The following ZNF362 variants were observed in gnomAD, a reference collection of about 807,000 sequenced individuals.
ZNF362 encodes the protein rotund homolog.
A neutral mutation model predicts 42.9 loss-of-function variants in ZNF362; 11 were observed. That is an observed-to-expected ratio of 0.26 (90% confidence interval 0.16 to 0.42). ZNF362 has a LOEUF of 0.42. ZNF362 is among the 20% of genes least tolerant of loss of function. The probability of loss-of-function intolerance (pLI) is 1.00; values close to 1 mark genes in which losing one functional copy is unlikely to be tolerated. For synonymous variants in ZNF362, 255 were observed against 257.3 expected (o/e 0.99, Z 0.09); for missense variants, 362 against 576.2 (o/e 0.63, Z 3.81).
At chr1:33,159,247 G>A in the ZNF362 span, among the ~76,000 whole-genome samples, 1 of 151,924 alleles carries the variant, frequency 6.6e-6, no homozygotes, top group Non-Finnish European at 1.5e-5. The surrounding 1 kb of genome is among the most constrained non-coding windows in gnomAD (Gnocchi z 4.2). Context: ...ATAGTAACAC[G>A]TAATGCCAAC....
At chr1:33,198,164 T>G in the ZNF362 span, among the ~76,000 whole-genome samples, 1 of 152,074 alleles carries the variant, frequency 6.6e-6, no homozygotes, top group African/African-American at 2.4e-5. Context: ...TAGCATCCAA[T>G]AAAAAATTAC....
the ZNF362 span, among the ~76,000 whole-genome samples, chr1:33,173,283 C>A: frequency 6.6e-6 from 1 of 152,220 alleles, no homozygotes; most frequent in African/African-American, 2.4e-5. Flanking sequence ...TGGCACACTG[C>A]CCCACAGTGC....
At chr1:33,160,532 G>A in the ZNF362 span, among the ~76,000 whole-genome samples, 1 of 151,984 alleles carries the variant, frequency 6.6e-6, no homozygotes, top group African/African-American at 2.4e-5. Context: ...AGCCTCCCTA[G>A]TAGCTGGGAT....
At chr1:33,159,815 C>T in the ZNF362 span, 7 of 1,613,854 alleles carry the variant, frequency 4.3e-6, no homozygotes, top group African/African-American at 2.7e-5. The surrounding 1 kb of genome is among the most constrained non-coding windows in gnomAD (Gnocchi z 4.2). Context: ...ACTTTCTGCT[C>T]GATGTCGGTC....
the ZNF362 span, among the ~76,000 whole-genome samples, chr1:33,202,555 G>A: frequency 8.6e-4 from 128 of 148,312 alleles, no homozygotes; most frequent in Non-Finnish European, 1.4e-3. Flanking sequence ...CCGAGATTGC[G>A]CCACTGCACT....
At chr1:33,171,645 T>A in the ZNF362 span, among the ~76,000 whole-genome samples, 1 of 152,130 alleles carries the variant, frequency 6.6e-6, no homozygotes, top group Non-Finnish European at 1.5e-5. Context: ...GGAAGAAACT[T>A]GAATAGGTAA....
At chr1:33,296,950 G>A (rs1270449127) in intron 8 of ZNF362, among the ~76,000 whole-genome samples, 1 of 151,792 alleles carries the variant, frequency 6.6e-6, no homozygotes, top group Non-Finnish European at 1.5e-5. Context: ...GGCTACAGGT[G>A]TGCACCACTG....
At chr1:33,232,039 T>A in the ZNF362 span, among the ~76,000 whole-genome samples, 1 of 152,142 alleles carries the variant, frequency 6.6e-6, no homozygotes, top group Admixed American at 6.6e-5. Context: ...AGGCCTGTTT[T>A]GCTTGGGTCC....
chr1:33,201,449 A>C, the ZNF362 span, among the ~76,000 whole-genome samples: 1 of 152,258 alleles, frequency 6.6e-6, no homozygotes, highest in African/African-American at 2.4e-5. Context: ...ATATTTCCTG[A>C]CAACAATGAA....
At chr1:33,158,460 T>A in the ZNF362 span, 1 of 959,288 alleles carries the variant, frequency 1.0e-6, no homozygotes, top group Non-Finnish European at 1.7e-6. Context: ...GCAGCTGGCA[T>A]AGGATGTGGT....
the ZNF362 span, among the ~76,000 whole-genome samples, chr1:33,189,722 T>TATATATATATATATATATAC: frequency 5.6e-4 from 58 of 102,934 alleles, 1 homozygote; most frequent in African/African-American, 1.7e-3. Flanking sequence ...TATATATACA[T>TATATATATATATATATATAC]ACACACATAC....
chr1:33,230,623 C>T, the ZNF362 span, among the ~76,000 whole-genome samples: 1 of 152,260 alleles, frequency 6.6e-6, no homozygotes. Flanking sequence ...ATAACCTGAT[C>T]TGTGCATACC....
rs953809232 is a variant in ZNF362, at chr1:33,270,555, C to G, written c.-20C>G. 7 of 1,546,960 alleles carry G rather than the reference C, an allele frequency of 4.5e-6. No homozygotes were observed. Among genetic ancestry groups the G allele is most frequent in the Non-Finnish European group, 5.4e-6 (6 of 1,119,700 alleles). ...GGAAAGCTCCGTAGAAGAGGGAACA[C>G]TTGAGCTGGGTCTTGAAGGATGAGT... On this transcript the variant is annotated 5_prime_UTR_variant, in exon 2 of 9. Coordinates refer to ENST00000539719, the MANE Select transcript of ZNF362 (RefSeq NM_152493.3).
chr1:33,297,096 A>T (rs1456274498), intron 8 of ZNF362, among the ~76,000 whole-genome samples: 4 of 152,092 alleles, frequency 2.6e-5, no homozygotes, highest in Admixed American at 1.3e-4. Flanking sequence ...TGTAACATTT[A>T]TTCTTCCCTG....
chr1:33,189,046 C>T, the ZNF362 span, among the ~76,000 whole-genome samples: 2 of 152,286 alleles, frequency 1.3e-5, no homozygotes, highest in East Asian at 1.9e-4. Flanking sequence ...CCTCAGGCCA[C>T]GACTCTTTCT....
the ZNF362 span, among the ~76,000 whole-genome samples, chr1:33,161,592 G>T: frequency 6.6e-6 from 1 of 152,156 alleles, no homozygotes; most frequent in East Asian, 1.9e-4. This position sits in a 1 kb window ranked among gnomAD's most constrained non-coding sequence, Gnocchi z 4.3. Flanking sequence ...GCAGACAAAG[G>T]GGGGCGGACG....
the ZNF362 span, among the ~76,000 whole-genome samples, chr1:33,205,446 C>T: frequency 1.3e-5 from 2 of 151,808 alleles, no homozygotes. Context: ...GATTGCACAA[C>T]TGCACTTCAG....
chr1:33,282,776 T>G (rs1433943076), intron 6 of ZNF362, among the ~76,000 whole-genome samples: 2 of 150,636 alleles, frequency 1.3e-5, no homozygotes, highest in Non-Finnish European at 2.9e-5. Context: ...GAGCCGAGAT[T>G]GCGCCATTGC....
At chr1:33,209,182 T>C in the ZNF362 span, among the ~76,000 whole-genome samples, 1 of 152,232 alleles carries the variant, frequency 6.6e-6, no homozygotes, top group Non-Finnish European at 1.5e-5. Flanking sequence ...GATAATCATG[T>C]GGTTTTTGTC....
Sources: allele counts gnomAD v4.1 joint callset (sites outside exome capture counted in the v4.1 genomes callset), GRCh38; gene constraint gnomAD v4.1.1; non-coding constraint Gnocchi (gnomAD v3.1); transcripts MANE v1.5; gene names NCBI Gene and HGNC (gene_info 2026-07-23, HGNC 2026-07-21).